Variants in RAB31 observed in about 807,000 individuals in gnomAD.
The protein encoded by RAB31 is ras-related protein Rab-31.
In RAB31, 21 loss-of-function variants were observed where a neutral mutation model predicts 25.6. That is an observed-to-expected ratio of 0.82 (90% confidence interval 0.58 to 1.18). RAB31 has a LOEUF of 1.18. Ranked by LOEUF, RAB31 falls within the 50% of genes most tolerant of loss-of-function variation. The pLI is 0.00. For synonymous variants in RAB31, 87 were observed against 84.0 expected, an observed-to-expected ratio of 1.04 and a Z score of -0.20; for missense variants, 196 against 250.1, an observed-to-expected ratio of 0.78 and a Z score of 1.46.
At chr18:9,794,601 G>A (rs796170200) in intron 3 of RAB31, among the ~76,000 whole-genome samples, 5 of 152,270 alleles carry the variant, frequency 3.3e-5, no homozygotes, top group African/African-American at 9.6e-5. Flanking sequence ...TGGATCATGA[G>A]GTCAGGAGTT....
intron 3 of RAB31, among the ~76,000 whole-genome samples, chr18:9,812,060 C>T (rs73385089): frequency 1.4e-3 from 211 of 152,300 alleles, no homozygotes; most frequent in African/African-American, 5.0e-3. Flanking sequence ...CGCCTTCTTG[C>T]TGTATCTCAC....
rs929319183 is a variant in RAB31, at chr18:9,861,702, T to C, written c.*2377T>C. The C allele has an allele frequency of 2.0e-5, 3 of 152,214 alleles. No homozygotes were observed. Among genetic ancestry groups the C allele is most frequent in the African/African-American group, 7.2e-5 (3 of 41,444 alleles). The allele number at this position is 152,214 out of a possible 1,614,324, so 9.4% of individuals were successfully genotyped here. ...CTAAAAAAAGTCATGTAGTTTCATG[T>C]AGTGTAGCATCCTTGGCATCGTTTT... On this transcript the variant is annotated 3_prime_UTR_variant, in exon 7 of 7. Coordinates refer to ENST00000578921, the MANE Select transcript of RAB31 (RefSeq NM_006868.4).
At chr18:9,833,359 A>T (rs932406274) in intron 5 of RAB31, among the ~76,000 whole-genome samples, 9 of 152,166 alleles carry the variant, frequency 5.9e-5, no homozygotes, top group African/African-American at 2.2e-4. Flanking sequence ...CAGGGGGACC[A>T]TGGGACGACA....
At chr18:9,725,838 T>C (rs1252931122) in intron 1 of RAB31, among the ~76,000 whole-genome samples, 1 of 152,206 alleles carries the variant, frequency 6.6e-6, no homozygotes, top group Non-Finnish European at 1.5e-5. Context: ...AGAGGCAAAG[T>C]CCAGTATCAG....
rs115007875 is a variant in RAB31, at chr18:9,733,904, G to C, written c.39+25460G>C. Among the ~76,000 whole-genome samples the C allele has an allele frequency of 3.9e-3, 591 of 152,060 alleles. 4 individuals carry two copies. Among genetic ancestry groups the C allele is most frequent in the African/African-American group, 0.012 (516 of 41,440 alleles). On this transcript the variant is annotated intron_variant, in intron 1 of 6. Coordinates refer to ENST00000578921, the MANE Select transcript of RAB31 (RefSeq NM_006868.4). ...AATAGGAGGCATGGTTACTGGGGAG[G>C]GGGGGCTTGGTTGGTAAAAATAAGT...
At chr18:9,775,066 A>G (rs2068364837) in intron 1 of RAB31, among the ~76,000 whole-genome samples, 1 of 152,176 alleles carries the variant, frequency 6.6e-6, no homozygotes, top group South Asian at 2.1e-4. Context: ...ACTGATTTTT[A>G]CCATACTTCT....
At chr18:9,709,495 A>C (rs1198888907) in intron 1 of RAB31, among the ~76,000 whole-genome samples, 5 of 152,208 alleles carry the variant, frequency 3.3e-5, no homozygotes, top group African/African-American at 1.2e-4. Flanking sequence ...ATGGGGGTAC[A>C]AGAACTGTAG....
chr18:9,847,402 T>C lies in RAB31; in HGVS notation c.490+1711T>C, dbSNP rs193034007. Among the ~76,000 whole-genome samples, 4 of 152,258 alleles carry C rather than the reference T, an allele frequency of 2.6e-5. No individual in the cohort carries two copies. In the East Asian group the frequency reaches 7.7e-4, roughly 29 times the overall value. On this transcript the variant is annotated intron_variant, in intron 6 of 6. Transcript: ENST00000578921. ...GGCCTTGGAAGACCCCCAGCACAGA[T>C]ATCAGTGGTCAGCCAGGGGAGCCTG...
At chr18:9,852,569 A>G (rs771325204) in intron 6 of RAB31, among the ~76,000 whole-genome samples, 8 of 150,840 alleles carry the variant, frequency 5.3e-5, no homozygotes, top group Non-Finnish European at 1.0e-4. Flanking sequence ...AGAGTTTAAG[A>G]CAATATGGAT....
intron 5 of RAB31, among the ~76,000 whole-genome samples, chr18:9,835,157 G>C (rs373876056): frequency 6.6e-6 from 1 of 152,060 alleles, no homozygotes; most frequent in African/African-American, 2.4e-5. Context: ...GACGGTGTAG[G>C]GTCCAGCTTC....
chr18:9,812,994 G>T (rs2068582210), intron 3 of RAB31, among the ~76,000 whole-genome samples: 1 of 149,746 alleles, frequency 6.7e-6, no homozygotes, highest in Non-Finnish European at 1.5e-5. Context: ...ACTGCACTCG[G>T]CCCCTCCAGG....
intron 5 of RAB31, among the ~76,000 whole-genome samples, chr18:9,838,700 T>C (rs183785263): frequency 6.6e-6 from 1 of 152,242 alleles, no homozygotes; most frequent in African/African-American, 2.4e-5. Context: ...TGTTTCCTGA[T>C]CCCCTCCCCT....
In RAB31 at chr18:9,766,586, A is replaced by G. The variant is rs2068317645; in HGVS notation, c.40-8692A>G. Among the ~76,000 whole-genome samples the G allele has an allele frequency of 6.6e-6, 1 of 152,166 alleles. No homozygotes were observed. Among genetic ancestry groups the G allele is most frequent in the African/African-American group, 2.4e-5 (1 of 41,424 alleles). On this transcript the variant is annotated intron_variant, in intron 1 of 6. Coordinates refer to ENST00000578921, the MANE Select transcript of RAB31 (RefSeq NM_006868.4). This position sits in a 1 kb window ranked among gnomAD's most constrained non-coding sequence, Gnocchi z 4.3. ...TTTATGTTATTTCTTTATGCCCACA[A>G]GGTCTGCTGCCCTGTACAGGCCTCC...
intron 2 of RAB31, among the ~76,000 whole-genome samples, chr18:9,777,481 A>C (rs1247621728): frequency 2.0e-5 from 3 of 152,236 alleles, no homozygotes; most frequent in Non-Finnish European, 4.4e-5. Context: ...GAGAGACCAT[A>C]AAGAATTGTC....
chr18:9,784,607 T>C (rs1336572884), intron 2 of RAB31, among the ~76,000 whole-genome samples: 2 of 150,694 alleles, frequency 1.3e-5, no homozygotes, highest in African/African-American at 2.4e-5. Flanking sequence ...GGCTGGAGTA[T>C]AGTGGTGTGA....
At chr18:9,734,741 G>A (rs925797861) in intron 1 of RAB31, 3 of 157,346 alleles carry the variant, frequency 1.9e-5, no homozygotes, top group African/African-American at 7.2e-5. Context: ...AGTTGTGTGT[G>A]GTTTTATTCT....
In RAB31 at chr18:9,718,787, G is replaced by T. The variant is rs887067643; in HGVS notation, c.39+10343G>T. ...GGTTGCAGACTGAGTCTTCCCATTGGGTAAGGGAGCTCCCTGGGGCCTCTT... is the reference window on the plus strand; with the variant it reads ...GGTTGCAGACTGAGTCTTCCCATTGTGTAAGGGAGCTCCCTGGGGCCTCTT... On this transcript the variant is annotated intron_variant, in intron 1 of 6. Coordinates refer to ENST00000578921, the MANE Select transcript of RAB31 (RefSeq NM_006868.4). Among the ~76,000 whole-genome samples, 93 of 152,128 alleles carry T rather than the reference G, an allele frequency of 6.1e-4. 1 individual carries two copies. The highest frequency in any genetic ancestry group is 1.9e-4 in the Non-Finnish European group (13 of 67,996).
intron 1 of RAB31, among the ~76,000 whole-genome samples, chr18:9,760,596 C>T (rs149557041): frequency 9.9e-5 from 15 of 152,266 alleles, no homozygotes; most frequent in Non-Finnish European, 2.1e-4. Flanking sequence ...TATTTAAAGC[C>T]GAGAGATGAG....
At chr18:9,821,067 G>C (rs1411003552) in intron 5 of RAB31, among the ~76,000 whole-genome samples, 3 of 152,000 alleles carry the variant, frequency 2.0e-5, no homozygotes, top group Non-Finnish European at 4.4e-5. Flanking sequence ...CATAGGTTTT[G>C]ATATGTTGTT....
Sources: gnomAD v4.1 joint callset for allele counts (sites outside exome capture counted in the v4.1 genomes callset) on GRCh38, gnomAD v4.1.1 for gene constraint, Gnocchi (gnomAD v3.1) non-coding constraint, MANE v1.5 for transcripts, NCBI Gene and HGNC (gene_info 2026-07-23, HGNC 2026-07-21) for gene names.